Variants in CALN1 observed in about 807,000 individuals in gnomAD.
CALN1 encodes the protein calcium-binding protein 8.
In CALN1, 17 loss-of-function variants were observed where a neutral mutation model predicts 30.6. The ratio of observed to expected loss-of-function variants is 0.56; its 90% CI spans 0.38 to 0.83. The LOEUF is 0.83. Among genes scored for constraint, CALN1 ranks in the 40% least tolerant of loss-of-function variants. CALN1 has a pLI of 0.00. For missense variants in CALN1, 291 were observed against 354.9 expected (o/e 0.82, Z 1.45); for synonymous variants, 156 against 131.4 (o/e 1.19, Z -1.28).
At chr7:72,404,930 T>A (rs1263108416) in intron 1 of CALN1, among the ~76,000 whole-genome samples, 1 of 152,136 alleles carries the variant, frequency 6.6e-6, no homozygotes, top group Non-Finnish European at 1.5e-5. Flanking sequence ...CAGCTACTGG[T>A]GTGAATGAAT....
At chr7:72,278,887 C>A (rs1797544065) in intron 2 of CALN1, 77 bp from the exon 3 acceptor site, 1 of 1,544,958 alleles carries the variant, frequency 6.5e-7, no homozygotes, top group African/African-American at 1.4e-5. Context: ...AAAGGACCAT[C>A]TGATTTTCAG....
At chr7:71,861,178 G>T (rs944980501) in intron 5 of CALN1, among the ~76,000 whole-genome samples, 56 of 151,390 alleles carry the variant, frequency 3.7e-4, no homozygotes, top group African/African-American at 1.3e-3. Context: ...TGTGGTGTGG[G>T]GTGTGTGTGT....
intron 5 of CALN1, among the ~76,000 whole-genome samples, chr7:72,007,944 C>T (rs1435560352): frequency 2.6e-5 from 4 of 152,124 alleles, no homozygotes; most frequent in African/African-American, 9.7e-5. Flanking sequence ...CAAATACACA[C>T]AGACACACAC....
At chr7:71,829,688 A>G (rs1789144003) in intron 5 of CALN1, among the ~76,000 whole-genome samples, 1 of 152,170 alleles carries the variant, frequency 6.6e-6, no homozygotes, top group African/African-American at 2.4e-5. Flanking sequence ...CCTCTAGAGT[A>G]AAGTGGGATG....
At chr7:72,302,643 C>G (rs1799357871) in intron 2 of CALN1, among the ~76,000 whole-genome samples, 1 of 152,042 alleles carries the variant, frequency 6.6e-6, no homozygotes, top group South Asian at 2.1e-4. Flanking sequence ...CCTGTAATCC[C>G]AGCACTTTGG....
chr7:72,411,930 G>T (rs143792903), intron 1 of CALN1, 128 bp downstream of exon 1: 17 of 152,236 alleles, frequency 1.1e-4, no homozygotes, highest in East Asian at 7.7e-4. Flanking sequence ...AAAAATCATA[G>T]ATTAAAACAC....
intron 4 of CALN1, among the ~76,000 whole-genome samples, chr7:72,028,771 A>G (rs1769996895): frequency 6.6e-6 from 1 of 152,188 alleles, no homozygotes; most frequent in African/African-American, 2.4e-5. Flanking sequence ...TGGGTGGGTC[A>G]CTTGAGGTCA....
At chr7:71,823,841 G>A (rs185900682) in intron 5 of CALN1, among the ~76,000 whole-genome samples, 3 of 152,308 alleles carry the variant, frequency 2.0e-5, no homozygotes, top group South Asian at 4.2e-4. Context: ...CGTGGCAGAA[G>A]ACGAAGGAAG....
intron 4 of CALN1, among the ~76,000 whole-genome samples, chr7:72,028,070 A>C (rs954126572): frequency 3.5e-5 from 4 of 113,108 alleles, no homozygotes; most frequent in Non-Finnish European, 6.6e-5. Context: ...AAAAAAAAAA[A>C]AAAAAAAAAA....
chr7:71,841,025 CTCTTCATTA>C (rs1238986591), intron 5 of CALN1, among the ~76,000 whole-genome samples: 1 of 151,986 alleles, frequency 6.6e-6, no homozygotes, highest in Non-Finnish European at 1.5e-5. Context: ...TAGCCTAGAG[CTCTTCATTA>C]TCTTAGTGGA....
At chr7:72,316,463 G>C (rs374215653) in intron 2 of CALN1, among the ~76,000 whole-genome samples, 1 of 152,040 alleles carries the variant, frequency 6.6e-6, no homozygotes, top group African/African-American at 2.4e-5. Flanking sequence ...AGATAATAAA[G>C]AGGGGAATAC....
intron 2 of CALN1, among the ~76,000 whole-genome samples, chr7:72,329,825 G>T (rs781045256): frequency 6.6e-6 from 1 of 151,976 alleles, no homozygotes; most frequent in Non-Finnish European, 1.5e-5. Context: ...GTGGTGCCAC[G>T]CACCTGTAAT....
Position 72,067,843 on chromosome 7 carries a change from G to A in CALN1, c.388+38308C>T, listed in dbSNP as rs779851805. Among the ~76,000 whole-genome samples the A allele has an allele frequency of 2.6e-5, 4 of 152,262 alleles. No homozygotes were observed. The East Asian group carries it at 7.7e-4, about 29-fold the overall frequency. On this transcript the variant is annotated intron_variant, in intron 4 of 6. Coordinates refer to ENST00000395275, the MANE Select transcript of CALN1 (RefSeq NM_031468.4). ...TCTGCTGTCCTCTTCATCTGCATTTGGTGGCAGATACAGACCAGGAAGGAG... is the reference window on the plus strand; with the variant it reads ...TCTGCTGTCCTCTTCATCTGCATTTAGTGGCAGATACAGACCAGGAAGGAG...
chr7:72,230,109 C>G (rs776164885), intron 3 of CALN1, among the ~76,000 whole-genome samples: 6 of 151,890 alleles, frequency 4.0e-5, no homozygotes, highest in Non-Finnish European at 7.4e-5. Context: ...CCACTGCACT[C>G]CAGCCTGGGC....
At chr7:72,344,589 A>G (rs1320759532) in intron 2 of CALN1, among the ~76,000 whole-genome samples, 1 of 147,290 alleles carries the variant, frequency 6.8e-6, no homozygotes, top group Non-Finnish European at 1.5e-5. Context: ...TTCTATTTAT[A>G]TGTAAATATA....
rs201988194 is a variant in CALN1 at position 71,856,992 on chromosome 7, G to A, written c.502-46500C>T. 4.0e-5 allele frequency among the ~76,000 whole-genome samples: 6 copies of A among 148,474 alleles called. No individual in the cohort carries two copies. In the East Asian group the frequency reaches 1.2e-3, roughly 30 times the overall value. ...AAATGAAATAATAATAATAACTGTAGACAACCTCATGGTGTGTATATGTAT... is the reference window on the plus strand; with the variant it reads ...AAATGAAATAATAATAATAACTGTAAACAACCTCATGGTGTGTATATGTAT... On this transcript the variant is annotated intron_variant, in intron 5 of 6. Transcript: ENST00000395275.
At chr7:72,484,139 T>C in the CALN1 span, among the ~76,000 whole-genome samples, 1 of 152,340 alleles carries the variant, frequency 6.6e-6, no homozygotes, top group South Asian at 2.1e-4. Flanking sequence ...ACAATTGATT[T>C]TTCTTCTCAT....
intron 4 of CALN1, among the ~76,000 whole-genome samples, chr7:72,059,645 A>G (rs57721130): frequency 0.015 from 2,121 of 144,748 alleles, 42 homozygotes; most frequent in African/African-American, 0.046. Context: ...GGGTACCCAC[A>G]GCAAAAGACT....
intron 5 of CALN1, among the ~76,000 whole-genome samples, chr7:71,911,280 G>A (rs897647388): frequency 2.6e-5 from 4 of 152,220 alleles, no homozygotes; most frequent in South Asian, 2.1e-4. Flanking sequence ...AGGAAATCAC[G>A]GATTGCTTAT....
Sources: allele counts gnomAD v4.1 joint callset (sites outside exome capture counted in the v4.1 genomes callset), GRCh38; gene constraint gnomAD v4.1.1; transcripts MANE v1.5; gene names NCBI Gene and HGNC (gene_info 2026-07-23, HGNC 2026-07-21).